KANSL1: variants seen among roughly 807,000 people sequenced by gnomAD.
KANSL1 encodes KAT8 regulatory NSL complex subunit 1.
In KANSL1, 22 loss-of-function variants were observed where a neutral mutation model predicts 103.6. The ratio of observed to expected loss-of-function variants is 0.21; its 90% CI spans 0.15 to 0.30. KANSL1 has a LOEUF of 0.30. Among genes scored for constraint, KANSL1 ranks in the 10% least tolerant of loss-of-function variants. The pLI is 1.00. For synonymous variants in KANSL1, 600 were observed against 527.6 expected, an observed-to-expected ratio of 1.14 and a Z score of -1.88; for missense variants, 1,337 against 1,399.8, an observed-to-expected ratio of 0.96 and a Z score of 0.72.
Position 46,171,030 on chromosome 17 carries a change from T to C in KANSL1, c.1114A>G (p.Lys372Glu), listed in dbSNP as rs2147733057. ...TTSEGLSNFL[K>E]SNSISEELER... Reference sequence around the variant, plus strand: ...AATTCTTCTGAAATTGAATTGCTTTTCAGAAAGTTGCTAAGTCCCTCTGAA... The same window carrying C: ...AATTCTTCTGAAATTGAATTGCTTTCCAGAAAGTTGCTAAGTCCCTCTGAA... Residue 372 changes from lysine to glutamate, a missense_variant, in exon 2 of 15, where the codon AAA (lysine) becomes GAA (glutamate). Lys to Glu is a moderately conservative substitution (Grantham distance 56, BLOSUM62 1). Around this residue, in one of 2 missense-constraint regions of KANSL1, gnomAD observed 557 missense variants for 476.4 expected, o/e 1.17. Transcript: ENST00000432791. 1 of 1,614,212 alleles carries C rather than the reference T, an allele frequency of 6.2e-7. No individual in the cohort carries two copies. Among genetic ancestry groups the C allele is most frequent in the Non-Finnish European group, 8.5e-7 (1 of 1,180,054 alleles).
intron 2 of KANSL1, among the ~76,000 whole-genome samples, chr17:46,109,207 CA>C (rs1274088569): frequency 5.3e-5 from 8 of 152,248 alleles, no homozygotes; most frequent in Admixed American, 3.3e-4. Context: ...CTCAGCCTTC[CA>C]AAATGTTGGG....
intron 6 of KANSL1, among the ~76,000 whole-genome samples, chr17:46,062,110 C>CAAAA (rs1568403365): frequency 4.5e-5 from 1 of 22,260 alleles, no homozygotes; most frequent in Non-Finnish European, 9.1e-5. Flanking sequence ...AAAAAAAAAA[C>CAAAA]AAACAAACAA....
intron 6 of KANSL1, among the ~76,000 whole-genome samples, chr17:46,064,053 TAAAA>T (rs58111244): frequency 0.19 from 20,137 of 105,622 alleles, 1,893 homozygotes; most frequent in Middle Eastern, 0.32. Context: ...CGACTATTAG[TAAAA>T]AAAAAAAAAA....
upstream of KANSL1, chr17:46,196,221 G>A (rs1243396054): frequency 7.0e-6 from 3 of 429,978 alleles, no homozygotes; most frequent in Non-Finnish European, 1.4e-5. Context: ...CTGGGCAACA[G>A]AGCGAGACCA....
At chr17:46,084,274 C>T (rs2079082144) in intron 3 of KANSL1, among the ~76,000 whole-genome samples, 1 of 151,974 alleles carries the variant, frequency 6.6e-6, no homozygotes, top group Non-Finnish European at 1.5e-5. Flanking sequence ...CCCAGCTACT[C>T]GGAAGGCTGA....
At chr17:46,060,748 C>T (rs922849947) in intron 6 of KANSL1, among the ~76,000 whole-genome samples, 3 of 152,126 alleles carry the variant, frequency 2.0e-5, no homozygotes, top group Non-Finnish European at 4.4e-5. Flanking sequence ...ACTAGGAGGC[C>T]TAGAATCATA....
At chr17:46,172,687 C>A (rs975617495) in intron 1 of KANSL1, among the ~76,000 whole-genome samples, 9 of 152,214 alleles carry the variant, frequency 5.9e-5, no homozygotes, top group Non-Finnish European at 1.2e-4. Flanking sequence ...CAGGTCTGTG[C>A]ATTTTTCTGG....
At chr17:46,167,331 C>T (rs1242995982) in intron 2 of KANSL1, among the ~76,000 whole-genome samples, 1 of 152,106 alleles carries the variant, frequency 6.6e-6, no homozygotes, top group Non-Finnish European at 1.5e-5. Context: ...AGAGCAAGCA[C>T]AACTCAGCAA....
chr17:46,043,957 G>C (rs1016339902), intron 7 of KANSL1: 5 of 149,010 alleles, frequency 3.4e-5, no homozygotes, highest in East Asian at 3.9e-4. Context: ...CATGTTAAGA[G>C]TGAACAGGAA....
At chr17:46,055,669 A>G (rs2077899904) in intron 6 of KANSL1, among the ~76,000 whole-genome samples, 1 of 152,200 alleles carries the variant, frequency 6.6e-6, no homozygotes, top group Non-Finnish European at 1.5e-5. Flanking sequence ...TACAACTGAA[A>G]GAATGTAAGG....
At chr17:46,192,755 A>C (rs2047404936) in intron 1 of KANSL1, 68 bp downstream of exon 1, 1 of 157,158 alleles carries the variant, frequency 6.4e-6, no homozygotes, top group South Asian at 2.0e-4. Flanking sequence ...AATGGGAGCC[A>C]CAGGGAGAGC....
At chr17:46,163,823 T>C (rs533146845) in intron 2 of KANSL1, among the ~76,000 whole-genome samples, 1 of 152,392 alleles carries the variant, frequency 6.6e-6, no homozygotes, top group South Asian at 2.1e-4. Flanking sequence ...ATTTACCATC[T>C]GTACCTATAA....
chr17:46,213,812 G>C (rs1461661403), intron 1 of KANSL1, among the ~76,000 whole-genome samples: 1 of 152,036 alleles, frequency 6.6e-6, no homozygotes, highest in Non-Finnish European at 1.5e-5. Context: ...GAGATACTCA[G>C]GAGGCTGAGG....
At position 46,138,131 on chromosome 17, in the gene KANSL1, T is replaced by G. The variant is rs151337839; in HGVS notation, c.1289+32724A>C. 2.5e-3 allele frequency among the ~76,000 whole-genome samples: 375 copies of G among 152,206 alleles called. 2 individuals are homozygous for G. Among genetic ancestry groups the G allele is most frequent in the Non-Finnish European group, 2.6e-3 (177 of 68,016 alleles). On this transcript the variant is annotated intron_variant, in intron 2 of 14. Transcript: ENST00000432791. ...CTCTTTCCACACATGCAAATACAAG[T>G]TCAGCATCCCAAACCCAAGATCCAA... is the stretch of plus-strand genomic sequence containing the variant.
At chr17:46,187,023 C>T (rs907922252) in intron 1 of KANSL1, among the ~76,000 whole-genome samples, 2 of 152,162 alleles carry the variant, frequency 1.3e-5, no homozygotes, top group South Asian at 2.1e-4. Context: ...TGAGCCACCA[C>T]ACCCAGCCCA....
chr17:46,173,302 AT>A (rs1426559471), intron 1 of KANSL1, among the ~76,000 whole-genome samples: 2 of 147,476 alleles, frequency 1.4e-5, no homozygotes, highest in Non-Finnish European at 3.1e-5. Flanking sequence ...CAAGATTCCT[AT>A]AACCTCTATG....
Position 46,085,000 on chromosome 17 carries a change from C to G in KANSL1, c.1432-2458G>C, listed in dbSNP as rs537153455. On this transcript the variant is annotated intron_variant, in intron 3 of 14. Transcript: ENST00000432791. Reference sequence around the variant, plus strand: ...AAGGGCCCAAACTGTCTTCCTGCTTCCTGTACAAAGCATGCCAAAAATCAT... The same window carrying G: ...AAGGGCCCAAACTGTCTTCCTGCTTGCTGTACAAAGCATGCCAAAAATCAT... 3.9e-5 allele frequency among the ~76,000 whole-genome samples: 6 copies of G among 152,284 alleles called. No homozygotes were observed. In the East Asian group the frequency reaches 1.2e-3, roughly 29 times the overall value.
intron 1 of KANSL1, among the ~76,000 whole-genome samples, chr17:46,205,126 G>T (rs1487919187): frequency 6.6e-6 from 1 of 151,768 alleles, no homozygotes; most frequent in Non-Finnish European, 1.5e-5. Context: ...AAATAGGCAA[G>T]AAAAAGAAAT....
intron 2 of KANSL1, among the ~76,000 whole-genome samples, chr17:46,101,176 T>C (rs2042298086): frequency 6.6e-6 from 1 of 152,148 alleles, no homozygotes; most frequent in Non-Finnish European, 1.5e-5. Flanking sequence ...GGGTAAGAGT[T>C]AGGGTCACTG....
Sources: gnomAD v4.1 joint callset for allele counts (sites outside exome capture counted in the v4.1 genomes callset) on GRCh38, gnomAD v4.1.1 for gene constraint, gnomAD v4.1.1 regional missense constraint, MANE v1.5 for transcripts, NCBI Gene and HGNC (gene_info 2026-07-23, HGNC 2026-07-21) for gene names.